ANXA13: variants seen among roughly 807,000 people sequenced by gnomAD.
The protein encoded by ANXA13 is annexin XIII.
In ANXA13, 36 loss-of-function variants were observed where a neutral mutation model predicts 46.6. The ratio of observed to expected loss-of-function variants is 0.77; its 90% CI spans 0.59 to 1.02. ANXA13 has a LOEUF of 1.02. ANXA13 is among the 50% of genes least tolerant of loss of function. The pLI, the probability that ANXA13 is intolerant of heterozygous loss-of-function variation, is 0.00. For synonymous variants in ANXA13, 163 were observed against 152.9 expected (o/e 1.07, Z -0.49); for missense variants, 417 against 396.5 (o/e 1.05, Z -0.44).
At chr8:123,732,281 C>A (rs1814132912) in intron 1 of ANXA13, among the ~76,000 whole-genome samples, 1 of 152,158 alleles carries the variant, frequency 6.6e-6, no homozygotes, top group African/African-American at 2.4e-5. Context: ...GTTGTGAAGA[C>A]CAAATGACGT....
At position 123,698,326 on chromosome 8, in the gene ANXA13, G is replaced by T. The variant is rs546044717; in HGVS notation, c.357+63C>A. On this transcript the variant is annotated intron_variant, in intron 4 of 10. Transcript: ENST00000419625. Reference sequence around the variant, plus strand: ...AATGCTGGGAAGTAGGGTCCCTTCTGGGGGGCTGCAACCATCTCTATTGGG... The same window carrying T: ...AATGCTGGGAAGTAGGGTCCCTTCTTGGGGGCTGCAACCATCTCTATTGGG... 71 of 1,562,012 alleles carry T rather than the reference G, an allele frequency of 4.5e-5. 1 individual carries two copies. The highest frequency in any genetic ancestry group is 4.3e-4 in the South Asian group (37 of 85,204).
intron 1 of ANXA13, among the ~76,000 whole-genome samples, chr8:123,718,761 A>G (rs905504344): frequency 2.6e-5 from 4 of 152,222 alleles, no homozygotes; most frequent in Non-Finnish European, 4.4e-5. Flanking sequence ...TAGAAAATAA[A>G]CGAGATGCTC....
intron 8 of ANXA13, among the ~76,000 whole-genome samples, chr8:123,689,552 A>C (rs1479687223): frequency 6.6e-6 from 1 of 152,196 alleles, no homozygotes; most frequent in Non-Finnish European, 1.5e-5. Flanking sequence ...GACCACATCA[A>C]AATGCCACTT....
At chr8:123,684,964 G>A (rs1013638040) in intron 9 of ANXA13, among the ~76,000 whole-genome samples, 3 of 152,180 alleles carry the variant, frequency 2.0e-5, no homozygotes, top group Admixed American at 2.0e-4. Context: ...GAGAGCTGTG[G>A]CATCCTCGGG....
chr8:123,720,555 T>G (rs1813843856), intron 1 of ANXA13, among the ~76,000 whole-genome samples: 1 of 152,060 alleles, frequency 6.6e-6, no homozygotes, highest in Admixed American at 6.5e-5. Context: ...GTATATTTAA[T>G]TATACAATTT....
intron 2 of ANXA13, among the ~76,000 whole-genome samples, chr8:123,703,002 TTAATTTTATTCCTAGGGAAATGAAAACA>T (rs1350690834): frequency 2.6e-5 from 4 of 152,224 alleles, no homozygotes; most frequent in African/African-American, 9.7e-5. Context: ...GGCTGGTTCC[TTAATTTTATTCCTAGGGAAATGAAAACA>T]TATGTCCACC....
intron 3 of ANXA13, among the ~76,000 whole-genome samples, chr8:123,699,736 A>G (rs1365856609): frequency 6.6e-6 from 1 of 152,184 alleles, no homozygotes; most frequent in Non-Finnish European, 1.5e-5. Flanking sequence ...GACACAAACT[A>G]TAGCATAGGG....
At chr8:123,699,799 CT>C (rs1484188777) in intron 3 of ANXA13, among the ~76,000 whole-genome samples, 1 of 152,210 alleles carries the variant, frequency 6.6e-6, no homozygotes, top group Non-Finnish European at 1.5e-5. Context: ...GCCACAGTAC[CT>C]TTGTGACCTT....
intron 9 of ANXA13, among the ~76,000 whole-genome samples, chr8:123,687,397 C>T (rs1263746517): frequency 6.6e-6 from 1 of 152,124 alleles, no homozygotes; most frequent in African/African-American, 2.4e-5. Flanking sequence ...TGCTCAAGGT[C>T]ATCGCCGAGG....
At chr8:123,733,158 G>A (rs1379174964) in intron 1 of ANXA13, among the ~76,000 whole-genome samples, 2 of 151,906 alleles carry the variant, frequency 1.3e-5, no homozygotes, top group East Asian at 3.9e-4. Flanking sequence ...GCAAGACCCT[G>A]TCTCAAAAAA....
chr8:123,732,735 C>T (rs1814147471), intron 1 of ANXA13, among the ~76,000 whole-genome samples: 1 of 151,940 alleles, frequency 6.6e-6, no homozygotes, highest in African/African-American at 2.4e-5. Context: ...ATAATTGTAC[C>T]TAAAATGTAG....
chr8:123,695,764 GATTA>G (rs764131594), intron 4 of ANXA13, 43 bp from the exon 5 acceptor site: 1 of 1,532,664 alleles, frequency 6.5e-7, no homozygotes, highest in Non-Finnish European at 9.0e-7. Context: ...TCCAAGGAGG[GATTA>G]ATCAATAAGA....
chr8:123,684,981 C>T (rs779848238), intron 9 of ANXA13, among the ~76,000 whole-genome samples: 3 of 152,228 alleles, frequency 2.0e-5, no homozygotes, highest in African/African-American at 4.8e-5. Context: ...CGGGCCCTCC[C>T]GGCCACGTCC....
At position 123,703,363 on chromosome 8, in the gene ANXA13, A is replaced by T. The variant is rs551991160; in HGVS notation, c.92-627T>A. On this transcript the variant is annotated intron_variant, in intron 2 of 10. Coordinates refer to ENST00000419625, the MANE Select transcript of ANXA13 (RefSeq NM_004306.4). ...GGGGGTGGGTGGGCTGCCTAGGGGG[A>T]TGGTAGCTGGAGTCCAGGGCTGCTT... Among the ~76,000 whole-genome samples the T allele has an allele frequency of 5.3e-5, 8 of 152,094 alleles. No individual in the cohort carries two copies. The East Asian group carries it at 1.5e-3, about 29-fold the overall frequency.
intron 3 of ANXA13, 126 bp from the exon 4 acceptor site, chr8:123,698,685 T>A: frequency 2.1e-6 from 2 of 972,626 alleles, no homozygotes; most frequent in Non-Finnish European, 3.1e-6. Flanking sequence ...TCTGCCAACC[T>A]GCAACCTGCT....
At chr8:123,685,997 G>A (rs1245635404) in intron 9 of ANXA13, among the ~76,000 whole-genome samples, 2 of 152,142 alleles carry the variant, frequency 1.3e-5, no homozygotes, top group South Asian at 2.1e-4. Flanking sequence ...TGAAGTCACC[G>A]TGTTCCGCTC....
Position 123,681,069 on chromosome 8 carries a change from G to A in ANXA13, c.*171C>T, listed in dbSNP as rs550876962. 4.3e-5 allele frequency: 36 copies of A among 842,330 alleles called. No individual in the cohort carries two copies. In the South Asian group the frequency reaches 8.0e-4, roughly 19 times the overall value. The allele number at this position is 842,330 out of a possible 1,614,324, so 52.2% of individuals were successfully genotyped here. A position where few individuals can be genotyped will look rare whatever the true frequency, so the allele number is the denominator to read the frequency against. Reference sequence around the variant, plus strand: ...AGGTGCCCTGCCCACGCATCTTAACGTTACTGCCCTTAACTTACACAGCTT... The same window carrying A: ...AGGTGCCCTGCCCACGCATCTTAACATTACTGCCCTTAACTTACACAGCTT... On this transcript the variant is annotated 3_prime_UTR_variant, in exon 11 of 11. Coordinates refer to ENST00000419625, the MANE Select transcript of ANXA13 (RefSeq NM_004306.4).
At chr8:123,694,414 C>T (rs2129845058) in intron 6 of ANXA13, among the ~76,000 whole-genome samples, 1 of 152,262 alleles carries the variant, frequency 6.6e-6, no homozygotes, top group South Asian at 2.1e-4. Flanking sequence ...CTTAAAAGGT[C>T]AGAGATGGAA....
At chr8:123,686,574 T>A (rs967001895) in intron 9 of ANXA13, among the ~76,000 whole-genome samples, 1 of 151,900 alleles carries the variant, frequency 6.6e-6, no homozygotes, top group Non-Finnish European at 1.5e-5. Flanking sequence ...TCAGAGTGAG[T>A]TCCTGAACTT....
Sources: allele counts gnomAD v4.1 joint callset (sites outside exome capture counted in the v4.1 genomes callset), GRCh38; gene constraint gnomAD v4.1.1; transcripts MANE v1.5; gene names NCBI Gene and HGNC (gene_info 2026-07-23, HGNC 2026-07-21).